The following ZNF621 variants were observed in gnomAD, a reference collection of about 807,000 sequenced individuals.
The protein encoded by ZNF621 is zinc finger protein 621.
In ZNF621, 6 loss-of-function variants were observed where a neutral mutation model predicts 12.7. The ratio of observed to expected loss-of-function variants is 0.47; its 90% CI spans 0.26 to 0.93. The LOEUF is 0.93. Among genes scored for constraint, ZNF621 ranks in the 40% least tolerant of loss-of-function variants. ZNF621 has a pLI of 0.15. For synonymous variants in ZNF621, 156 were observed against 190.3 expected, an observed-to-expected ratio of 0.82 and a Z score of 1.48; for missense variants, 474 against 524.0, an observed-to-expected ratio of 0.90 and a Z score of 0.93.
rs547761115 is a variant in ZNF621 at position 40,533,429 on chromosome 3, C to T, written c.*339C>T. 5 of 257,330 alleles carry T rather than the reference C, an allele frequency of 1.9e-5. No homozygotes were observed. Among genetic ancestry groups the T allele is most frequent in the African/African-American group, 8.7e-5 (4 of 45,956 alleles). The allele number at this position is 257,330 out of a possible 1,614,324, so 15.9% of individuals were successfully genotyped here. On this transcript the variant is annotated 3_prime_UTR_variant, in exon 5 of 5. Coordinates refer to ENST00000339296, the MANE Select transcript of ZNF621 (RefSeq NM_198484.5). ...GTGCTGGGATTACAGGAGTGAGCCACTGTGCCCAGCCTCCAACCTAATTTG... is the reference window on the plus strand; with the variant it reads ...GTGCTGGGATTACAGGAGTGAGCCATTGTGCCCAGCCTCCAACCTAATTTG...
Position 40,538,052 on chromosome 3 carries a change from A to G in ZNF621, c.*4962A>G, listed in dbSNP as rs1698911615. Among the ~76,000 whole-genome samples, 1 of 152,220 alleles carries G rather than the reference A, an allele frequency of 6.6e-6. No homozygotes were observed. The highest frequency in any genetic ancestry group is 2.4e-5 in the African/African-American group (1 of 41,466). ...AGCTGGTAACTTTAAGTTGAAGCCA[A>G]TGCTCATTTACCATTCAGAAAATCC... On this transcript the variant is annotated 3_prime_UTR_variant, in exon 5 of 5. Coordinates refer to ENST00000339296, the MANE Select transcript of ZNF621 (RefSeq NM_198484.5).
Position 40,536,815 on chromosome 3 carries a change from T to C in ZNF621, c.*3725T>C, listed in dbSNP as rs373291779. The C allele has an allele frequency of 6.6e-5, 10 of 152,390 alleles. No individual in the cohort carries two copies. Among genetic ancestry groups the C allele is most frequent in the African/African-American group, 2.4e-4 (10 of 41,600 alleles). 9.4% of individuals were successfully genotyped at this position (152,390 alleles called of 1,614,324 possible). On this transcript the variant is annotated 3_prime_UTR_variant, in exon 5 of 5. Coordinates refer to ENST00000339296, the MANE Select transcript of ZNF621 (RefSeq NM_198484.5). ...GCAAGACTATCAGTGCCATTTTTTT[T>C]CAACAGCATGTGCTCATTTCATTTT...
In ZNF621 at chr3:40,538,105, C is replaced by T. The variant is rs1698913371; in HGVS notation, c.*5015C>T. Among the ~76,000 whole-genome samples the T allele has an allele frequency of 6.6e-6, 1 of 152,198 alleles. No individual in the cohort carries two copies. The highest frequency in any genetic ancestry group is 2.1e-4 in the South Asian group (1 of 4,834). On this transcript the variant is annotated 3_prime_UTR_variant, in exon 5 of 5. Coordinates refer to ENST00000339296, the MANE Select transcript of ZNF621 (RefSeq NM_198484.5). The stretch of plus-strand genomic sequence containing the variant: ...GGGCCCATAAGAATTATGCTAAATC[C>T]ACTCTGCCTGTGCTCTAGAAATGGA...
chr3:40,539,210 A>ACAG lies in ZNF621; in HGVS notation c.*6123_*6125dup, dbSNP rs1206021542. 2 of 152,646 alleles carry ACAG rather than the reference A, an allele frequency of 1.3e-5. No individual in the cohort carries two copies. Among genetic ancestry groups the ACAG allele is most frequent in the Non-Finnish European group, 2.9e-5 (2 of 68,312 alleles). 9.5% of individuals were successfully genotyped at this position (152,646 alleles called of 1,614,324 possible). A position where few individuals can be genotyped will look rare whatever the true frequency, so the allele number is the denominator to read the frequency against. On this transcript the variant is annotated 3_prime_UTR_variant, in exon 5 of 5. Transcript: ENST00000339296. ...TCCACTGTGGGTAAAAGGCTATCCA[A>ACAG]CAGCAACACATGCTACAGATAAATC...
Position 40,525,884 on chromosome 3 carries a change from G to T in ZNF621, c.24+20G>T, listed in dbSNP as rs371224932. On this transcript the variant is annotated intron_variant, in intron 2 of 4. Transcript: ENST00000339296. Reference sequence around the variant, plus strand: ...CCTCAGGTGAGCTGAGCTTCTTTCAGTTTTTTTGTTTGTTTGTTTATGTTT... The same window carrying T: ...CCTCAGGTGAGCTGAGCTTCTTTCATTTTTTTTGTTTGTTTGTTTATGTTT... 3 of 1,611,462 alleles carry T rather than the reference G, an allele frequency of 1.9e-6. No individual in the cohort carries two copies. The African/African-American group carries it at 4.0e-5, about 22-fold the overall frequency.
At position 40,525,114 on chromosome 3, in the gene ZNF621, G is replaced by A. The variant is rs1228401980; in HGVS notation, c.-223G>A. 6.6e-6 allele frequency: 1 copy of A among 152,500 alleles called. No individual in the cohort carries two copies. The highest frequency in any genetic ancestry group is 2.4e-5 in the African/African-American group (1 of 41,462). The allele number at this position is 152,500 out of a possible 1,614,324, so 9.4% of individuals were successfully genotyped here. On this transcript the variant is annotated 5_prime_UTR_variant, in exon 1 of 5. Transcript: ENST00000339296. ...ACTACCCCTGAACTTGGTCCCAATG[G>A]CGGCCCGCCCCTCCTTCACCCGGAC...
intron 2 of ZNF621, among the ~76,000 whole-genome samples, chr3:40,526,857 TA>T (rs1698594215): frequency 6.6e-6 from 1 of 152,210 alleles, no homozygotes; most frequent in Non-Finnish European, 1.5e-5. Flanking sequence ...GTTGTCCTTT[TA>T]TTTTTTTTGT....
At chr3:40,523,800 A>AAAAACAAC (rs1553659368), upstream of ZNF621, among the ~76,000 whole-genome samples, 1 of 147,676 alleles carries the variant, frequency 6.8e-6, no homozygotes, top group East Asian at 2.0e-4. Flanking sequence ...AGCAAAAAAA[A>AAAAACAAC]AAAAAACAAA....
intron 3 of ZNF621, 52 bp downstream of exon 3, chr3:40,529,497 G>C (rs371148197): frequency 1.8e-4 from 286 of 1,608,074 alleles, no homozygotes; most frequent in Non-Finnish European, 2.2e-4. Context: ...TTCCTCAGAT[G>C]TTTTGGGGAT....
At chr3:40,524,192 A>G (rs1235958237), upstream of ZNF621, among the ~76,000 whole-genome samples, 1 of 152,142 alleles carries the variant, frequency 6.6e-6, no homozygotes, top group Non-Finnish European at 1.5e-5. Flanking sequence ...GTCTGTCCAG[A>G]TCATTATTTA....
At chr3:40,523,459 G>A (rs759582563), upstream of ZNF621, among the ~76,000 whole-genome samples, 3 of 152,100 alleles carry the variant, frequency 2.0e-5, no homozygotes, top group Admixed American at 6.6e-5. Flanking sequence ...AGTTATCAGC[G>A]TGATTAAAGT....
intron 4 of ZNF621, among the ~76,000 whole-genome samples, chr3:40,531,624 A>G (rs1698727678): frequency 3.3e-5 from 5 of 152,094 alleles, no homozygotes; most frequent in South Asian, 4.1e-4. Flanking sequence ...GTGCAGTGGC[A>G]TGATCTCCAC....
At chr3:40,528,121 T>G (rs1244596699) in intron 2 of ZNF621, among the ~76,000 whole-genome samples, 1 of 152,228 alleles carries the variant, frequency 6.6e-6, no homozygotes, top group Non-Finnish European at 1.5e-5. Context: ...TAAAAATACC[T>G]TATGCTCCTC....
intron 4 of ZNF621, 35 bp downstream of exon 4, chr3:40,530,351 T>C (rs749901205): frequency 2.5e-5 from 39 of 1,565,840 alleles, no homozygotes; most frequent in East Asian, 2.5e-4. Flanking sequence ...AGTTTCTTGT[T>C]TTGCCTTCCT....
chr3:40,533,205 A>T lies in ZNF621; in HGVS notation c.*115A>T, dbSNP rs1391093257. The T allele has an allele frequency of 2.7e-5, 39 of 1,440,098 alleles. No individual in the cohort carries two copies. The highest frequency in any genetic ancestry group is 3.5e-5 in the Non-Finnish European group (38 of 1,097,626). 89.2% of individuals were successfully genotyped at this position (1,440,098 alleles called of 1,614,324 possible). A position where few individuals can be genotyped will look rare whatever the true frequency, so the allele number is the denominator to read the frequency against. On this transcript the variant is annotated 3_prime_UTR_variant, in exon 5 of 5. Coordinates refer to ENST00000339296, the MANE Select transcript of ZNF621 (RefSeq NM_198484.5). Reference sequence around the variant, plus strand: ...ACCCAGGCTAGAGTGCGGTGGTGTGATCTTGGCTCACTGCAACCTCCCCCT... The same window carrying T: ...ACCCAGGCTAGAGTGCGGTGGTGTGTTCTTGGCTCACTGCAACCTCCCCCT...
At chr3:40,525,982 C>T in intron 2 of ZNF621, 118 bp downstream of exon 2, 1 of 1,156,604 alleles carries the variant, frequency 8.6e-7, no homozygotes, top group Non-Finnish European at 1.2e-6. Flanking sequence ...TGTGTTTTCC[C>T]CTTTGTATCT....
At chr3:40,528,753 C>G (rs1212881645) in intron 2 of ZNF621, among the ~76,000 whole-genome samples, 1 of 152,208 alleles carries the variant, frequency 6.6e-6, no homozygotes, top group Non-Finnish European at 1.5e-5. Flanking sequence ...GACATATAAT[C>G]TTGAGCATAG....
chr3:40,528,762 A>G (rs1238638326), intron 2 of ZNF621, among the ~76,000 whole-genome samples: 1 of 152,188 alleles, frequency 6.6e-6, no homozygotes, highest in East Asian at 1.9e-4. Flanking sequence ...TCTTGAGCAT[A>G]GTTTCATATG....
In ZNF621 at chr3:40,535,588, A is replaced by G. The variant is rs933658997; in HGVS notation, c.*2498A>G. The G allele has an allele frequency of 2.6e-5, 4 of 152,010 alleles. No homozygotes were observed. The highest frequency in any genetic ancestry group is 6.6e-5 in the Admixed American group (1 of 15,252). 9.4% of individuals were successfully genotyped at this position (152,010 alleles called of 1,614,324 possible). A position where few individuals can be genotyped will look rare whatever the true frequency, so the allele number is the denominator to read the frequency against. Reference sequence around the variant, plus strand: ...ATTCTGTAGTAAAAATACCCCTACAATCATTTTGGTAGGGTCTTCTGTCTT... The same window carrying G: ...ATTCTGTAGTAAAAATACCCCTACAGTCATTTTGGTAGGGTCTTCTGTCTT... On this transcript the variant is annotated 3_prime_UTR_variant, in exon 5 of 5. Transcript: ENST00000339296.
Sources: allele counts gnomAD v4.1 joint callset (sites outside exome capture counted in the v4.1 genomes callset), GRCh38; gene constraint gnomAD v4.1.1; transcripts MANE v1.5; gene names NCBI Gene and HGNC (gene_info 2026-07-23, HGNC 2026-07-21).